The following SARS2 variants were observed in gnomAD, a reference collection of about 807,000 sequenced individuals.
The protein encoded by SARS2 is serine--tRNA ligase, mitochondrial.
Under a neutral mutation model 66.8 loss-of-function variants are expected in SARS2, and 52 were observed. The ratio of observed to expected loss-of-function variants is 0.78; its 90% CI spans 0.62 to 0.98. The LOEUF is 0.98. SARS2 is among the 50% of genes least tolerant of loss of function. The pLI, the probability that SARS2 is intolerant of heterozygous loss-of-function variation, is 0.00. For synonymous variants in SARS2, 306 were observed against 281.4 expected (o/e 1.09, Z -0.87); for missense variants, 673 against 706.3 (o/e 0.95, Z 0.53).
rs1405474650 is a variant in SARS2, at chr19:38,930,745, G to A, written c.-9C>T. Reference sequence around the variant, plus strand: ...GCCATGGACGCAGCCATCTTGGACCGGGAACAAGGCGGCACTTCGTCCCGC... The same window carrying A: ...GCCATGGACGCAGCCATCTTGGACCAGGAACAAGGCGGCACTTCGTCCCGC... On this transcript the variant is annotated 5_prime_UTR_variant, in exon 1 of 16. Transcript: ENST00000221431. 9 of 1,612,350 alleles carry A rather than the reference G, an allele frequency of 5.6e-6. No homozygotes were observed. The highest frequency in any genetic ancestry group is 7.6e-6 in the Non-Finnish European group (9 of 1,179,992).
chr19:38,926,039 C>G (rs1276883019), intron 2 of SARS2, among the ~76,000 whole-genome samples, 166 bp downstream of exon 2: 1 of 152,214 alleles, frequency 6.6e-6, no homozygotes, highest in Non-Finnish European at 1.5e-5. Flanking sequence ...TGGTCTCAAA[C>G]TCCTGACCTC....
chr19:38,916,603 G>A (rs1256998651), intron 12 of SARS2, among the ~76,000 whole-genome samples: 2 of 151,684 alleles, frequency 1.3e-5, no homozygotes, highest in African/African-American at 4.8e-5. Flanking sequence ...AAGGCACGTG[G>A]CAGGGTCCAC....
chr19:38,918,833 A>T lies in SARS2; in HGVS notation c.760-20T>A. On this transcript the variant is annotated intron_variant, in intron 7 of 15. Coordinates refer to ENST00000221431, the MANE Select transcript of SARS2 (RefSeq NM_017827.4). ...GAAGCCCTGTTCAGGGGAGAGGATGAGTGAGCAGAGCTGGGACCCCTACCA... is the reference window on the plus strand; with the variant it reads ...GAAGCCCTGTTCAGGGGAGAGGATGTGTGAGCAGAGCTGGGACCCCTACCA... 6.4e-7 allele frequency: 1 copy of T among 1,555,932 alleles called. No individual in the cohort carries two copies. Among genetic ancestry groups the T allele is most frequent in the Non-Finnish European group, 8.7e-7 (1 of 1,148,818 alleles).
At chr19:38,926,383 G>A in intron 1 of SARS2, 83 bp from the exon 2 acceptor site, 1 of 1,290,186 alleles carries the variant, frequency 7.8e-7, no homozygotes, top group Non-Finnish European at 1.1e-6. Flanking sequence ...ACCTGGACCT[G>A]CGGCGCAGTG....
intron 5 of SARS2, 90 bp downstream of exon 5, chr19:38,921,302 T>C: frequency 7.4e-7 from 1 of 1,358,422 alleles, no homozygotes. Flanking sequence ...GCTCCAGACA[T>C]GTTCCCAGAC....
rs1391327979 is a variant in SARS2, at chr19:38,916,266, C to A, written c.1209G>T (p.Lys403Asn). The part of the protein sequence containing the change: ...TQELGLPAYR[K>N]FDIEAWMPGR... ...CTGGCATCCAGGCCTCAATGTCAAA[C>A]TTGCGGTAGGCGGGGAGGCCCAGTT... is the stretch of plus-strand genomic sequence containing the variant. The change falls in exon 13 of 16, where the codon AAG becomes AAT. Residue 403 changes from lysine to asparagine, a missense_variant. By Grantham distance (94) the Lys-to-Asn change is moderately conservative. Coordinates refer to ENST00000221431, the MANE Select transcript of SARS2 (RefSeq NM_017827.4). 9.9e-6 allele frequency: 16 copies of A among 1,613,996 alleles called. No homozygotes were observed. Among genetic ancestry groups the A allele is most frequent in the Non-Finnish European group, 1.4e-5 (16 of 1,179,992 alleles).
chr19:38,916,916 G>A (rs1432906107), intron 12 of SARS2, among the ~76,000 whole-genome samples: 1 of 151,582 alleles, frequency 6.6e-6, no homozygotes, highest in African/African-American at 2.4e-5. Context: ...GCCTGTCCCG[G>A]CCTCCCAAAG....
In SARS2 at chr19:38,915,381, C is replaced by T. The variant is rs775781363; in HGVS notation, c.*225G>A. The T allele has an allele frequency of 2.2e-5, 13 of 592,744 alleles. No individual in the cohort carries two copies. The highest frequency in any genetic ancestry group is 5.5e-5 in the East Asian group (2 of 36,102). The allele number at this position is 592,744 out of a possible 1,614,324, so 36.7% of individuals were successfully genotyped here. ...TGTCCCTAGAACCGTAAAGCCCAGA[C>T]GTCCTGCTTCCCACTGGGACCCTCA... is the stretch of plus-strand genomic sequence containing the variant. On this transcript the variant is annotated 3_prime_UTR_variant, in exon 16 of 16. Coordinates refer to ENST00000221431, the MANE Select transcript of SARS2 (RefSeq NM_017827.4).
chr19:38,926,211 G>C lies in SARS2; in HGVS notation c.357C>G (p.Ala119=). The C allele has an allele frequency of 1.2e-6, 2 of 1,605,478 alleles. No individual in the cohort carries two copies. The highest frequency in any genetic ancestry group is 1.7e-6 in the Non-Finnish European group (2 of 1,179,454). Residue 119 remains alanine, a synonymous_variant, in exon 2 of 16, where the codon GCC becomes GCG. Coordinates refer to ENST00000221431, the MANE Select transcript of SARS2 (RefSeq NM_017827.4). ...CTCAGGGCACCATGCTCACCAGCAGGGCCCGCACTGCCTCAGTCACAGCTG... is the reference window on the plus strand; with the variant it reads ...CTCAGGGCACCATGCTCACCAGCAGCGCCCGCACTGCCTCAGTCACAGCTG... ...EKAAVTEAVR[A]LLANQDSGEV...
intron 5 of SARS2, 80 bp from the exon 6 acceptor site, chr19:38,920,229 AGAGAG>A: frequency 9.0e-7 from 1 of 1,117,146 alleles, no homozygotes; most frequent in South Asian, 1.3e-5. Flanking sequence ...CAGAGACAGC[AGAGAG>A]GAGGGACGGT....
Position 38,924,835 on chromosome 19 carries a change from CCTCA to C in SARS2, c.363+1366_363+1369del, listed in dbSNP as rs1419839498. On this transcript the variant is annotated intron_variant, in intron 2 of 15. Coordinates refer to ENST00000221431, the MANE Select transcript of SARS2 (RefSeq NM_017827.4). ...TTAGGCCCGTTTTAATCTCTTAGGG[CCTCA>C]CTTTTTCCCAGCTGTAAAATTGGGT... Among the ~76,000 whole-genome samples, 4 of 152,252 alleles carry C rather than the reference CCTCA, an allele frequency of 2.6e-5. No individual in the cohort carries two copies. The South Asian group carries it at 8.3e-4, about 32-fold the overall frequency.
chr19:38,927,593 T>A (rs4803050), intron 1 of SARS2, among the ~76,000 whole-genome samples: 36,538 of 151,036 alleles, frequency 0.24, 4,549 homozygotes, highest in South Asian at 0.34. Context: ...AAAAAAAAAA[T>A]TTATTATTTT....
Position 38,915,579 on chromosome 19 carries a change from C to T in SARS2, c.*27G>A, listed in dbSNP as rs374400683. The T allele has an allele frequency of 6.2e-7, 1 of 1,609,148 alleles. No homozygotes were observed. Among genetic ancestry groups the T allele is most frequent in the South Asian group, 1.1e-5 (1 of 90,896 alleles). Reference sequence around the variant, plus strand: ...TCCTGAACTCCAGGAAGCAGTGACACCCCCGAGGGCTGCTGTGGGTGGGTT... The same window carrying T: ...TCCTGAACTCCAGGAAGCAGTGACATCCCCGAGGGCTGCTGTGGGTGGGTT... On this transcript the variant is annotated 3_prime_UTR_variant, in exon 16 of 16. Coordinates refer to ENST00000221431, the MANE Select transcript of SARS2 (RefSeq NM_017827.4).
At position 38,922,704 on chromosome 19, in the gene SARS2, C is replaced by T. The variant is rs540433744; in HGVS notation, c.364-437G>A. ...GGGCGGTTTCCCCCATGCTGTTATC[C>T]TGATAGTGAGTTCTCACGAGATCTG... On this transcript the variant is annotated intron_variant, in intron 2 of 15. Transcript: ENST00000221431. Among the ~76,000 whole-genome samples the T allele has an allele frequency of 6.3e-4, 96 of 152,220 alleles. 1 individual carries two copies. The South Asian group carries it at 0.013, about 20-fold the overall frequency.
At chr19:38,915,953 C>G in intron 14 of SARS2, 47 bp from the exon 15 acceptor site, 1 of 1,612,894 alleles carries the variant, frequency 6.2e-7, no homozygotes, top group Non-Finnish European at 8.5e-7. Context: ...CAAGCTGAGC[C>G]CGGGGAGGAG....
chr19:38,929,461 G>A (rs374874990), intron 1 of SARS2, among the ~76,000 whole-genome samples: 1 of 151,824 alleles, frequency 6.6e-6, no homozygotes, highest in Non-Finnish European at 1.5e-5. Flanking sequence ...GAGGCTGAGT[G>A]GGAGGATTAT....
chr19:38,918,236 G>C, intron 9 of SARS2, 97 bp from the exon 10 acceptor site: 1 of 1,343,056 alleles, frequency 7.4e-7, no homozygotes. Flanking sequence ...TGCAACCCCA[G>C]GTCAAGGCCC....
chr19:38,929,148 C>T (rs1161733284), intron 1 of SARS2, among the ~76,000 whole-genome samples: 1 of 151,726 alleles, frequency 6.6e-6, no homozygotes, highest in African/African-American at 2.4e-5. Flanking sequence ...ACCTGGGAGG[C>T]AGAAGTCGCA....
chr19:38,919,703 C>A (rs1974482004), intron 7 of SARS2, 59 bp downstream of exon 7: 1 of 1,338,578 alleles, frequency 7.5e-7, no homozygotes, highest in Non-Finnish European at 1.1e-6. Context: ...CCCGTTGGGC[C>A]CTCTGAGCTC....
Sources: allele counts gnomAD v4.1 joint callset (sites outside exome capture counted in the v4.1 genomes callset), GRCh38; gene constraint gnomAD v4.1.1; transcripts MANE v1.5; gene names NCBI Gene and HGNC (gene_info 2026-07-23, HGNC 2026-07-21).